Variants in M1AP observed in about 807,000 individuals in gnomAD.
The protein encoded by M1AP is meiosis 1 arrest protein.
A neutral mutation model predicts 51.2 loss-of-function variants in M1AP; 39 were observed. That is an observed-to-expected ratio of 0.76 (90% confidence interval 0.59 to 1.00). The LOEUF is 1.00. Ranked by LOEUF, M1AP falls within the 50% of genes least tolerant of loss-of-function variation. The probability of loss-of-function intolerance (pLI) is 0.00; values close to 1 mark genes in which losing one functional copy is unlikely to be tolerated. For missense variants in M1AP, 545 were observed against 641.2 expected (o/e 0.85, Z 1.62); for synonymous variants, 251 against 249.2 (o/e 1.01, Z -0.07).
intron 4 of M1AP, among the ~76,000 whole-genome samples, chr2:74,592,332 A>G (rs1177310156): frequency 1.3e-5 from 2 of 152,300 alleles, no homozygotes; most frequent in Middle Eastern, 3.4e-3. Context: ...ACTTTTGCCA[A>G]TCTAATAATA....
intron 4 of M1AP, among the ~76,000 whole-genome samples, chr2:74,596,325 G>GT (rs1680332118): frequency 6.6e-6 from 1 of 152,208 alleles, no homozygotes; most frequent in African/African-American, 2.4e-5. Flanking sequence ...GCTCACGCCT[G>GT]TTATCCCAGC....
intron 8 of M1AP, chr2:74,561,960 T>C (rs1246408025): frequency 1.0e-6 from 1 of 985,234 alleles, no homozygotes; most frequent in African/African-American, 1.7e-5. Context: ...GATGCCAATA[T>C]CCCTTTTCTC....
intron 4 of M1AP, among the ~76,000 whole-genome samples, chr2:74,586,297 C>T (rs1679702548): frequency 1.3e-5 from 2 of 152,204 alleles, no homozygotes; most frequent in African/African-American, 2.4e-5. Flanking sequence ...TTTCTTTTCA[C>T]TTTTATCCTC....
chr2:74,634,056 TA>T (rs1682841107), intron 2 of M1AP, among the ~76,000 whole-genome samples: 1 of 152,202 alleles, frequency 6.6e-6, no homozygotes, highest in Non-Finnish European at 1.5e-5. Flanking sequence ...CAATAGATTT[TA>T]AAAACTACAT....
At chr2:74,644,256 T>C (rs1339447637) in intron 1 of M1AP, among the ~76,000 whole-genome samples, 2 of 152,210 alleles carry the variant, frequency 1.3e-5, no homozygotes, top group South Asian at 2.1e-4. Flanking sequence ...AATACATAGA[T>C]AGGCCGGGCG....
intron 4 of M1AP, among the ~76,000 whole-genome samples, chr2:74,587,514 T>C (rs1394056558): frequency 6.6e-6 from 1 of 152,212 alleles, no homozygotes; most frequent in African/African-American, 2.4e-5. Context: ...TTTCCTTTTT[T>C]AAAGCTTTTT....
At chr2:74,605,969 T>G (rs911651180) in intron 4 of M1AP, among the ~76,000 whole-genome samples, 6 of 151,936 alleles carry the variant, frequency 3.9e-5, no homozygotes, top group Non-Finnish European at 5.9e-5. Context: ...GCCAAGCAAG[T>G]GCAGACCCTC....
intron 8 of M1AP, among the ~76,000 whole-genome samples, chr2:74,561,208 GAGGAGGAGAAGGAGGAGGAGGAGA>G (rs1558643866): frequency 2.1e-3 from 277 of 133,826 alleles, no homozygotes; most frequent in African/African-American, 7.8e-3. Flanking sequence ...GAAGGAGGAG[GAGGAGGAGAAGGAGGAGGAGGAGA>G]AGGAGGAGGA....
At chr2:74,630,657 T>TG (rs1418312382) in intron 2 of M1AP, among the ~76,000 whole-genome samples, 2 of 152,204 alleles carry the variant, frequency 1.3e-5, no homozygotes, top group East Asian at 3.8e-4. Flanking sequence ...GCAAAGGACA[T>TG]GATCTCATTC....
chr2:74,595,184 T>C (rs1240090202), intron 4 of M1AP, among the ~76,000 whole-genome samples: 3 of 151,916 alleles, frequency 2.0e-5, no homozygotes, highest in Non-Finnish European at 4.4e-5. Context: ...CCTGGCTAAT[T>C]TTTTGATTTT....
At chr2:74,575,359 C>T (rs1236740703) in intron 7 of M1AP, 79 bp downstream of exon 7, 1 of 1,588,600 alleles carries the variant, frequency 6.3e-7, no homozygotes, top group African/African-American at 1.3e-5. Context: ...TAGGATTGGG[C>T]AGAGTTAGTT....
intron 2 of M1AP, among the ~76,000 whole-genome samples, chr2:74,623,432 G>A (rs1459375351): frequency 6.6e-6 from 1 of 151,826 alleles, no homozygotes; most frequent in African/African-American, 2.4e-5. Flanking sequence ...GAGCCCAGGA[G>A]GTGGAGGTTA....
chr2:74,575,261 C>T, intron 7 of M1AP, 177 bp downstream of exon 7: 1 of 979,712 alleles, frequency 1.0e-6, no homozygotes, highest in Non-Finnish European at 1.2e-6. Context: ...TTCTCTATAG[C>T]ATGAAACCAA....
chr2:74,601,141 G>A (rs1372179181), intron 4 of M1AP, among the ~76,000 whole-genome samples: 1 of 152,034 alleles, frequency 6.6e-6, no homozygotes. Flanking sequence ...TGAGAAATTT[G>A]TGGAATAAAG....
chr2:74,640,630 T>C (rs952433457), intron 1 of M1AP, among the ~76,000 whole-genome samples: 4 of 152,108 alleles, frequency 2.6e-5, no homozygotes, highest in Non-Finnish European at 4.4e-5. Flanking sequence ...CCAGCTAATT[T>C]TTGTATTTTT....
At chr2:74,561,032 G>A (rs1292065371) in intron 8 of M1AP, among the ~76,000 whole-genome samples, 1 of 137,050 alleles carries the variant, frequency 7.3e-6, no homozygotes, top group Non-Finnish European at 1.5e-5. Context: ...AGAGGAAAAG[G>A]AGAAGGAGGA....
chr2:74,570,839 G>A (rs1296148899), intron 7 of M1AP, among the ~76,000 whole-genome samples: 1 of 152,216 alleles, frequency 6.6e-6, no homozygotes, highest in African/African-American at 2.4e-5. Flanking sequence ...TTTCAGCTGA[G>A]TAGTGGCAGA....
intron 7 of M1AP, among the ~76,000 whole-genome samples, chr2:74,563,313 A>G (rs779672470): frequency 2.0e-5 from 3 of 152,058 alleles, no homozygotes; most frequent in Non-Finnish European, 2.9e-5. Flanking sequence ...AGAAAGAGAG[A>G]GCAGGGCCGG....
chr2:74,619,120 G>A (rs745365809), intron 2 of M1AP: 3 of 288,190 alleles, frequency 1.0e-5, no homozygotes, highest in Non-Finnish European at 1.4e-5. Flanking sequence ...ACTATCAGAC[G>A]GCACAGGTTC....
Sources: gnomAD v4.1 joint callset for allele counts (sites outside exome capture counted in the v4.1 genomes callset) on GRCh38, gnomAD v4.1.1 for gene constraint, MANE v1.5 for transcripts, NCBI Gene and HGNC (gene_info 2026-07-23, HGNC 2026-07-21) for gene names.